The following TAFA4 variants were observed in gnomAD, a reference collection of about 807,000 sequenced individuals.
TAFA4 encodes the protein chemokine-like protein TAFA-4.
Under a neutral mutation model 21.1 loss-of-function variants are expected in TAFA4, and 20 were observed. The ratio of observed to expected loss-of-function variants is 0.95; its 90% CI spans 0.67 to 1.38. The LOEUF is 1.38. Ranked by LOEUF, TAFA4 falls within the 40% of genes most tolerant of loss-of-function variation. The pLI is 0.00. For synonymous variants in TAFA4, 71 were observed against 67.4 expected (o/e 1.05, Z -0.26); for missense variants, 211 against 180.9 (o/e 1.17, Z -0.95).
chr3:68,852,476 T>TTGGCTGCA (rs1200468893), intron 3 of TAFA4, among the ~76,000 whole-genome samples: 2 of 152,142 alleles, frequency 1.3e-5, no homozygotes, highest in African/African-American at 4.8e-5. Context: ...GCGAGGCTCC[T>TTGGCTGCA]TGGCTGCAAA....
At chr3:68,837,528 G>T (rs919488208) in intron 3 of TAFA4, among the ~76,000 whole-genome samples, 1 of 152,092 alleles carries the variant, frequency 6.6e-6, no homozygotes, top group Non-Finnish European at 1.5e-5. Flanking sequence ...CACATATGGG[G>T]CTTTCTAAAA....
Position 68,752,846 on chromosome 3 carries a change from G to A in TAFA4, c.286+17C>T. The A allele has an allele frequency of 6.2e-7, 1 of 1,614,034 alleles. No homozygotes were observed. Among genetic ancestry groups the A allele is most frequent in the Non-Finnish European group, 8.5e-7 (1 of 1,179,990 alleles). ...GCCTTTTTGAAATACCAGAGATGCTGACCAGAGAGGTCTTACCTTCAACAC... is the reference window on the plus strand; with the variant it reads ...GCCTTTTTGAAATACCAGAGATGCTAACCAGAGAGGTCTTACCTTCAACAC... On this transcript the variant is annotated intron_variant, in intron 4 of 5. Transcript: ENST00000295569.
At chr3:68,762,144 G>T (rs556526304) in intron 3 of TAFA4, among the ~76,000 whole-genome samples, 4 of 151,092 alleles carry the variant, frequency 2.6e-5, no homozygotes, top group African/African-American at 7.3e-5. Context: ...TGTAGCTAGA[G>T]GATAAAGAAA....
intron 3 of TAFA4, among the ~76,000 whole-genome samples, chr3:68,792,827 C>T (rs1171512304): frequency 6.6e-6 from 1 of 152,146 alleles, no homozygotes; most frequent in African/African-American, 2.4e-5. Context: ...AACAACTTTG[C>T]TTCCATTCCT....
At chr3:68,780,926 A>G (rs1167324482) in intron 3 of TAFA4, among the ~76,000 whole-genome samples, 2 of 152,076 alleles carry the variant, frequency 1.3e-5, no homozygotes, top group Non-Finnish European at 2.9e-5. Flanking sequence ...TAAAAACCTA[A>G]AAGGCATACC....
intron 3 of TAFA4, among the ~76,000 whole-genome samples, chr3:68,782,557 G>A (rs549674751): frequency 3.3e-5 from 5 of 151,818 alleles, no homozygotes; most frequent in African/African-American, 1.2e-4. Flanking sequence ...TCCAGTGATT[G>A]AAAAAAAATT....
intron 1 of TAFA4, among the ~76,000 whole-genome samples, chr3:68,900,240 TTAATAATAATAA>T (rs3048092): frequency 0.013 from 1,791 of 132,814 alleles, 26 homozygotes; most frequent in East Asian, 0.084. Context: ...AGACTCTCTC[TTAATAATAATAA>T]TAATAATAAT....
intron 3 of TAFA4, among the ~76,000 whole-genome samples, chr3:68,816,057 T>A (rs1703967517): frequency 6.6e-6 from 1 of 151,614 alleles, no homozygotes; most frequent in East Asian, 2.0e-4. Flanking sequence ...CAGCAAACTA[T>A]CACAAGGACA....
chr3:68,848,194 A>C (rs1033160199), intron 3 of TAFA4, among the ~76,000 whole-genome samples: 3 of 152,218 alleles, frequency 2.0e-5, no homozygotes, highest in Non-Finnish European at 4.4e-5. Flanking sequence ...TAACTGTCAC[A>C]CTATACCACC....
chr3:68,755,864 C>A (rs538678283), intron 3 of TAFA4, among the ~76,000 whole-genome samples: 10 of 152,274 alleles, frequency 6.6e-5, no homozygotes, highest in African/African-American at 2.2e-4. Context: ...TGATGGTTTG[C>A]CATGTACATG....
chr3:68,931,553 C>A (rs952228328), intron 1 of TAFA4, among the ~76,000 whole-genome samples: 2 of 152,100 alleles, frequency 1.3e-5, no homozygotes, highest in African/African-American at 2.4e-5. Context: ...CTTCTAGGAG[C>A]GGATTAACAG....
intron 3 of TAFA4, among the ~76,000 whole-genome samples, chr3:68,867,304 C>T (rs2089432010): frequency 6.6e-6 from 1 of 151,980 alleles, no homozygotes; most frequent in Non-Finnish European, 1.5e-5. Context: ...AGAAAAAAAC[C>T]ATAAGCCAAG....
chr3:68,872,681 T>C (rs2089497708), intron 3 of TAFA4, among the ~76,000 whole-genome samples: 2 of 152,168 alleles, frequency 1.3e-5, no homozygotes, highest in Admixed American at 6.5e-5. Context: ...TATGCACAAC[T>C]ATTATGTAGC....
At chr3:68,918,228 A>G (rs2090023991) in intron 1 of TAFA4, among the ~76,000 whole-genome samples, 1 of 150,386 alleles carries the variant, frequency 6.6e-6, no homozygotes, top group East Asian at 1.9e-4. Flanking sequence ...CATTCACTGT[A>G]TGGTAAGAAA....
intron 3 of TAFA4, among the ~76,000 whole-genome samples, chr3:68,812,314 A>G (rs1398164552): frequency 6.6e-6 from 1 of 152,224 alleles, no homozygotes; most frequent in Non-Finnish European, 1.5e-5. Flanking sequence ...GATCAAATTC[A>G]CACATAACAA....
chr3:68,853,529 C>T (rs1198135616), intron 3 of TAFA4, among the ~76,000 whole-genome samples: 5 of 152,126 alleles, frequency 3.3e-5, no homozygotes, highest in Admixed American at 3.3e-4. Flanking sequence ...GAGGATGGGT[C>T]TCTCCCTTCC....
chr3:68,863,369 C>A (rs1016183013), intron 3 of TAFA4, among the ~76,000 whole-genome samples: 6 of 152,048 alleles, frequency 3.9e-5, no homozygotes, highest in African/African-American at 7.2e-5. Context: ...GTCATAAGTC[C>A]TTTTAAGTCT....
At chr3:68,818,917 A>C (rs1704048849) in intron 3 of TAFA4, among the ~76,000 whole-genome samples, 1 of 152,246 alleles carries the variant, frequency 6.6e-6, no homozygotes, top group Admixed American at 6.5e-5. Flanking sequence ...TGCTGCTGGA[A>C]AAATGGCACT....
At chr3:68,926,926 T>C (rs932626704) in intron 1 of TAFA4, among the ~76,000 whole-genome samples, 1 of 151,932 alleles carries the variant, frequency 6.6e-6, no homozygotes, top group Non-Finnish European at 1.5e-5. Context: ...AATAAATAAA[T>C]AAAAAATAAT....
Sources: allele counts gnomAD v4.1 joint callset (sites outside exome capture counted in the v4.1 genomes callset), GRCh38; gene constraint gnomAD v4.1.1; transcripts MANE v1.5; gene names NCBI Gene and HGNC (gene_info 2026-07-23, HGNC 2026-07-21).